Variants in IL1RAPL2 observed in about 807,000 individuals in gnomAD.
The protein encoded by IL1RAPL2 is X-linked interleukin-1 receptor accessory protein-like 2.
In IL1RAPL2, 3 loss-of-function variants were observed where a neutral mutation model predicts 44.1. The observed-to-expected ratio is 0.07, with a 90% CI of 0.03 to 0.18. IL1RAPL2 has a LOEUF of 0.18. Among genes scored for constraint, IL1RAPL2 ranks in the 10% least tolerant of loss-of-function variants. The probability of loss-of-function intolerance (pLI) is 1.00; values close to 1 mark genes in which losing one functional copy is unlikely to be tolerated. For synonymous variants in IL1RAPL2, 181 were observed against 178.8 expected (o/e 1.01, Z -0.10); for missense variants, 391 against 496.4 (o/e 0.79, Z 2.02).
At chrX:104,774,017 A>C (rs1932681136) in intron 2 of IL1RAPL2, among the ~76,000 whole-genome samples, 1 of 111,950 alleles carries the variant, frequency 8.9e-6, no homozygotes, top group African/African-American at 3.2e-5. Context: ...GAACAAACAT[A>C]TTCAGGCGCT....
intron 2 of IL1RAPL2, among the ~76,000 whole-genome samples, chrX:104,786,877 G>A (rs1410197150): frequency 1.9e-5 from 2 of 102,713 alleles, no homozygotes; most frequent in African/African-American, 3.6e-5. Flanking sequence ...TGCCTCGCAG[G>A]ATGAGTAAGA....
At chrX:104,800,535 T>A (rs751073551) in intron 2 of IL1RAPL2, among the ~76,000 whole-genome samples, 1 of 112,157 alleles carries the variant, frequency 8.9e-6, no homozygotes, top group African/African-American at 3.2e-5. Context: ...GATGTACAAT[T>A]CATTTCCAAT....
At position 105,622,015 on chromosome X, in the gene IL1RAPL2, A is replaced by C. The variant is rs182627109; in HGVS notation, c.773-95352A>C. 4.5e-3 allele frequency among the ~76,000 whole-genome samples: 494 copies of C among 109,213 alleles called. 6 individuals carry two copies. The highest frequency in any genetic ancestry group is 0.016 in the African/African-American group (469 of 30,033). The allele number at this position is 109,213 out of a possible 115,157, so 94.8% of individuals were successfully genotyped here. On this transcript the variant is annotated intron_variant, in intron 6 of 10. Transcript: ENST00000372582. ...ACGATGGTTCAGTTCAGTGGCACTT[A>C]CTCCTCTTCTGTCATCACTATCAAG...
At chrX:105,060,929 A>C (rs1052179936) in intron 2 of IL1RAPL2, among the ~76,000 whole-genome samples, 4 of 107,784 alleles carry the variant, frequency 3.7e-5, no homozygotes, top group African/African-American at 1.3e-4. Flanking sequence ...CATTTGGTTC[A>C]CCTCTCTTTT....
At chrX:105,704,657 T>A (rs767766990) in intron 6 of IL1RAPL2, among the ~76,000 whole-genome samples, 68 of 111,436 alleles carry the variant, frequency 6.1e-4, no homozygotes, top group South Asian at 1.1e-3. Flanking sequence ...GTACATGTGC[T>A]GGATGTGCAG....
chrX:104,684,364 C>T (rs753525265), intron 2 of IL1RAPL2, among the ~76,000 whole-genome samples: 212 of 111,888 alleles, frequency 1.9e-3, no homozygotes, highest in Middle Eastern at 0.018. Flanking sequence ...GCCAGAAACC[C>T]AAGGAGAAAC....
chrX:105,174,585 C>G (rs1350079582), intron 2 of IL1RAPL2, among the ~76,000 whole-genome samples: 1 of 111,312 alleles, frequency 9.0e-6, no homozygotes, highest in East Asian at 2.8e-4. Context: ...TTTGCTTACT[C>G]TTTTTACCTG....
chrX:105,300,676 G>A (rs772640508), intron 5 of IL1RAPL2, among the ~76,000 whole-genome samples: 2 of 110,870 alleles, frequency 1.8e-5, no homozygotes, highest in East Asian at 5.7e-4. Context: ...GCCATATTTG[G>A]GGGTATAGGT....
intron 2 of IL1RAPL2, among the ~76,000 whole-genome samples, chrX:104,839,942 A>G (rs1317308862): frequency 9.0e-6 from 1 of 110,501 alleles, no homozygotes; most frequent in African/African-American, 3.3e-5. Context: ...GTGTCTCTTT[A>G]TTCTTCTCTC....
At chrX:105,740,299 T>C (rs1360749590) in intron 7 of IL1RAPL2, among the ~76,000 whole-genome samples, 1 of 111,965 alleles carries the variant, frequency 8.9e-6, no homozygotes, top group East Asian at 2.8e-4. Flanking sequence ...AAGAATCAAA[T>C]AGACGCAATA....
rs192183329 is a variant in IL1RAPL2 at position 104,832,908 on chromosome X, T to C, written c.82+173913T>C. Among the ~76,000 whole-genome samples, 7 of 111,552 alleles carry C rather than the reference T, an allele frequency of 6.3e-5. No homozygotes were observed. The East Asian group carries it at 1.4e-3, about 22-fold the overall frequency. ...GATTTTGGCTCCCCTGACAGTTTCA[T>C]CTTACTCCGTTTTTGTTCTTTTGAA... On this transcript the variant is annotated intron_variant, in intron 2 of 10. Transcript: ENST00000372582.
At chrX:105,043,996 C>G (rs921513581) in intron 2 of IL1RAPL2, among the ~76,000 whole-genome samples, 3 of 111,536 alleles carry the variant, frequency 2.7e-5, no homozygotes, top group African/African-American at 9.8e-5. Context: ...AGGCTGATGA[C>G]TATTTAAAAT....
intron 1 of IL1RAPL2, among the ~76,000 whole-genome samples, chrX:104,652,882 C>T (rs927029353): frequency 3.6e-5 from 4 of 111,343 alleles, no homozygotes; most frequent in African/African-American, 1.3e-4. Flanking sequence ...GGACATATGG[C>T]TCTAGCGGCT....
intron 6 of IL1RAPL2, among the ~76,000 whole-genome samples, chrX:105,660,928 T>C (rs1292599742): frequency 9.0e-6 from 1 of 111,017 alleles, no homozygotes; most frequent in Non-Finnish European, 1.9e-5. Context: ...AAATCCTTAC[T>C]TATCAATAAT....
intron 6 of IL1RAPL2, among the ~76,000 whole-genome samples, chrX:105,504,192 G>A (rs1484474616): frequency 9.0e-6 from 1 of 111,354 alleles, no homozygotes; most frequent in Non-Finnish European, 1.9e-5. Context: ...TATCATTGGA[G>A]TTCCTGGAAA....
chrX:104,813,682 C>A (rs1379856805), intron 2 of IL1RAPL2, among the ~76,000 whole-genome samples: 2 of 111,454 alleles, frequency 1.8e-5, no homozygotes, highest in Non-Finnish European at 3.8e-5. Context: ...TCAGACTCAG[C>A]TTCTTTTCAT....
At chrX:104,721,408 C>T (rs191840489) in intron 2 of IL1RAPL2, among the ~76,000 whole-genome samples, 1 of 110,212 alleles carries the variant, frequency 9.1e-6, no homozygotes, top group African/African-American at 3.3e-5. Context: ...AAGCCATTAT[C>T]CTTAGCAAAC....
chrX:104,631,858 T>C (rs1047299589), intron 1 of IL1RAPL2, among the ~76,000 whole-genome samples: 1 of 110,212 alleles, frequency 9.1e-6, no homozygotes, highest in Non-Finnish European at 1.9e-5. Context: ...AGATCCCATT[T>C]GTCAATTTTG....
intron 6 of IL1RAPL2, chrX:105,675,952 T>G (rs2037868043): frequency 8.9e-6 from 1 of 112,020 alleles, no homozygotes; most frequent in Non-Finnish European, 1.9e-5. Context: ...TGCATAGATC[T>G]ATTTGTAGTA....
Sources: gnomAD v4.1 joint callset for allele counts (sites outside exome capture counted in the v4.1 genomes callset) on GRCh38, gnomAD v4.1.1 for gene constraint, MANE v1.5 for transcripts, NCBI Gene and HGNC (gene_info 2026-07-23, HGNC 2026-07-21) for gene names.